The following FRMPD3 variants were observed in gnomAD, a reference collection of about 807,000 sequenced individuals.
FRMPD3 encodes the protein FERM and PDZ domain-containing protein 3.
In FRMPD3, 42 loss-of-function variants were observed where a neutral mutation model predicts 97.9. The observed-to-expected ratio is 0.43, with a 90% confidence interval of 0.34 to 0.55. The LOEUF (loss-of-function observed/expected upper bound fraction) is 0.55, where lower values mean the gene tolerates loss of function less well. FRMPD3 is among the 20% of genes least tolerant of loss of function. The pLI is 0.03. For synonymous variants in FRMPD3, 577 were observed against 581.1 expected, an observed-to-expected ratio of 0.99 and a Z score of 0.10; for missense variants, 1,303 against 1,457.7, an observed-to-expected ratio of 0.89 and a Z score of 1.73.
Position 107,522,980 on chromosome X carries a change from A to G in FRMPD3, c.-7-3602A>G, listed in dbSNP as rs751870552. ...TCACAATTTTGTTCAGGGATGCCCT[A>G]TTTGAAGGGACCAGAAGCCAAACAT... On this transcript the variant is annotated intron_variant, in intron 1 of 14. Transcript: ENST00000683843. 5.4e-5 allele frequency among the ~76,000 whole-genome samples: 6 copies of G among 111,308 alleles called. No individual in the cohort carries two copies. In the East Asian group the frequency reaches 1.7e-3, roughly 32 times the overall value.
chrX:107,464,901 G>A (rs1459667341), intron 1 of FRMPD3, among the ~76,000 whole-genome samples: 1 of 111,680 alleles, frequency 9.0e-6, no homozygotes, highest in African/African-American at 3.3e-5. Flanking sequence ...CAGAGAAGCA[G>A]TGTGACTGAG....
intron 1 of FRMPD3, among the ~76,000 whole-genome samples, chrX:107,473,279 T>TA (rs1921112747): frequency 8.9e-6 from 1 of 111,874 alleles, no homozygotes. Context: ...ATGTGAGAGA[T>TA]ATGAGCTGCT....
intron 1 of FRMPD3, among the ~76,000 whole-genome samples, chrX:107,465,633 T>A (rs1466453784): frequency 9.0e-6 from 1 of 111,617 alleles, no homozygotes; most frequent in Non-Finnish European, 1.9e-5. Flanking sequence ...CCACCTATAA[T>A]GTGTGGCACA....
At position 107,529,368 on chromosome X, in the gene FRMPD3, T is replaced by C. The variant is rs1001027573; in HGVS notation, c.149-1041T>C. Among the ~76,000 whole-genome samples the C allele has an allele frequency of 7.2e-5, 8 of 111,123 alleles. No homozygotes were observed. In the Admixed American group the frequency reaches 7.7e-4, roughly 11 times the overall value. On this transcript the variant is annotated intron_variant, in intron 2 of 14. Transcript: ENST00000683843. ...GGGAGGCTGAGGTGGGTGAATCACC[T>C]GAGGTCAAGAGTTCAAGACCACTCT...
chrX:107,589,708 G>A (rs1923816272), intron 13 of FRMPD3, among the ~76,000 whole-genome samples: 1 of 112,111 alleles, frequency 8.9e-6, no homozygotes, highest in African/African-American at 3.2e-5. Context: ...AAAAGACAAA[G>A]TCAAATTTTA....
At chrX:107,484,140 A>G (rs1198617843) in intron 1 of FRMPD3, among the ~76,000 whole-genome samples, 1 of 111,944 alleles carries the variant, frequency 8.9e-6, no homozygotes, top group Non-Finnish European at 1.9e-5. Context: ...CTCGAAGCCC[A>G]CTGCCCCCAC....
In FRMPD3 at chrX:107,603,312, C is replaced by T; in HGVS notation, c.5273C>T (p.Ser1758Phe). The change falls in exon 15 of 15, where the codon TCC becomes TTC. Residue 1758 changes from serine to phenylalanine, a missense_variant. By Grantham distance (155) the Ser-to-Phe change is radical. Around this residue, in one of 3 missense-constraint regions of FRMPD3, gnomAD observed 764 missense variants for 820.2 expected, o/e 0.93. Transcript: ENST00000683843. ...AGAATEHPPG[S>F]PTSATVMSTF... ...GCAGCCACAGAGCATCCACCAGGCT[C>T]CCCAACTTCGGCGACTGTTATGAGC... The T allele has an allele frequency of 1.8e-6, 2 of 1,096,930 alleles. No individual in the cohort carries two copies. The highest frequency in any genetic ancestry group is 2.4e-6 in the Non-Finnish European group (2 of 839,526). The allele number at this position is 1,096,930 out of a possible 1,213,427, so 90.4% of individuals were successfully genotyped here.
In FRMPD3 at chrX:107,603,091, C is replaced by T; in HGVS notation, c.5052C>T (p.Ala1684=). 8.3e-7 allele frequency: 1 copy of T among 1,210,512 alleles called. No homozygotes were observed. The highest frequency in any genetic ancestry group is 1.1e-6 in the Non-Finnish European group (1 of 895,382). ...TGGTGTTCATTGTGCGCTCCGAGGCCCAGCGCCAAGAGCTGCTGGCCAAGG... is the reference window on the plus strand; with the variant it reads ...TGGTGTTCATTGTGCGCTCCGAGGCTCAGCGCCAAGAGCTGCTGGCCAAGG... ...VRLVFIVRSE[A]QRQELLAKVE... is the part of the protein sequence containing the mutation. Residue 1684 remains alanine, a synonymous_variant, in exon 15 of 15, where the codon GCC becomes GCT. Transcript: ENST00000683843.
rs751198480 is a variant in FRMPD3, at chrX:107,597,513, A to T, written c.1634A>T (p.Asp545Val). 2.5e-6 allele frequency: 3 copies of T among 1,210,797 alleles called. No individual in the cohort carries two copies. The Admixed American group carries it at 6.5e-5, about 26-fold the overall frequency. ...AGGAAGGAGCAGGAAAGCCGGACAG[A>T]TGTCAACGAGAACCTAATCTTCTTT... ...EQRKEQESRT[D>V]VNENLIFFEE... The change falls in exon 14 of 15, where the codon GAT (aspartate) becomes GTT (valine). Residue 545 changes from aspartate (D) to valine (V), a missense_variant. Physicochemically the swap from Asp to Val is radical, Grantham distance 152. Transcript: ENST00000683843.
chrX:107,542,785 G>A (rs1461866600), intron 4 of FRMPD3, among the ~76,000 whole-genome samples: 1 of 111,965 alleles, frequency 8.9e-6, no homozygotes, highest in Non-Finnish European at 1.9e-5. Flanking sequence ...TTCCCAGCTG[G>A]CAGGGACCTT....
intron 1 of FRMPD3, among the ~76,000 whole-genome samples, chrX:107,451,256 T>C (rs143917804): frequency 0.043 from 4,857 of 112,159 alleles, 140 homozygotes; most frequent in Non-Finnish European, 0.071. Flanking sequence ...GGGCAGTCTC[T>C]GGACTCCTGC....
chrX:107,600,651 G>A lies in FRMPD3; in HGVS notation c.2612G>A (p.Arg871Gln), dbSNP rs1265705792. ...TCAGAGGGCCAGGTACAGGGAGAACGAACATACTCCTTGGCAGTGCACCCA... is the reference window on the plus strand; with the variant it reads ...TCAGAGGGCCAGGTACAGGGAGAACAAACATACTCCTTGGCAGTGCACCCA... ...PQSEGQVQGE[R>Q]TYSLAVHPAL... Residue 871 changes from arginine (R) to glutamine (Q), a missense_variant, in exon 15 of 15, where the codon CGA (arginine) becomes CAA (glutamine). By Grantham distance (43) the Arg-to-Gln change is conservative. This residue lies in a region of FRMPD3 where 764 missense variants were observed against 820.2 expected (regional missense o/e 0.93). Transcript: ENST00000683843. 3.3e-6 allele frequency: 4 copies of A among 1,205,081 alleles called. No individual in the cohort carries two copies. Among genetic ancestry groups the A allele is most frequent in the Admixed American group, 2.2e-5 (1 of 45,355 alleles).
rs1404046428 is a variant in FRMPD3, at chrX:107,560,840, C to G, written c.1013C>G (p.Ser338Cys). 8.4e-7 allele frequency: 1 copy of G among 1,193,718 alleles called. No individual in the cohort carries two copies. The change falls in exon 10 of 15, where the codon TCC (serine) becomes TGC (cysteine). Residue 338 changes from serine (S) to cysteine (C), a missense_variant. Transcript: ENST00000683843. ...CTGAAGGCTCACCAAACACATCCTTCCTGCGGCACCAAGGTATCCAGAGTA... is the reference window on the plus strand; with the variant it reads ...CTGAAGGCTCACCAAACACATCCTTGCTGCGGCACCAAGGTATCCAGAGTA... ...QQLKAHQTHP[S>C]CGTKGSAIQA... is the part of the protein sequence containing the mutation.
chrX:107,518,852 A>G (rs1390711082), intron 1 of FRMPD3, among the ~76,000 whole-genome samples: 3 of 112,762 alleles, frequency 2.7e-5, no homozygotes, highest in Non-Finnish European at 5.6e-5. Flanking sequence ...CAACAGATTA[A>G]TAAAATGTGA....
At chrX:107,537,073 G>C (rs1283298819) in intron 4 of FRMPD3, among the ~76,000 whole-genome samples, 2 of 111,352 alleles carry the variant, frequency 1.8e-5, no homozygotes, top group Non-Finnish European at 3.8e-5. Flanking sequence ...CCCCTGTTCT[G>C]CTTACTCTGC....
intron 1 of FRMPD3, among the ~76,000 whole-genome samples, chrX:107,508,346 G>A (rs1326557617): frequency 2.7e-5 from 3 of 112,136 alleles, no homozygotes; most frequent in Admixed American, 1.9e-4. Context: ...AAGGCAAACC[G>A]AGTGCGCTAT....
intron 1 of FRMPD3, among the ~76,000 whole-genome samples, chrX:107,510,392 CA>C (rs1402067189): frequency 9.0e-6 from 1 of 111,117 alleles, no homozygotes; most frequent in Non-Finnish European, 1.9e-5. Context: ...TAGTAGGATG[CA>C]ATCTTCTTCC....
chrX:107,574,391 A>G (rs993320191), intron 12 of FRMPD3, among the ~76,000 whole-genome samples: 9 of 112,643 alleles, frequency 8.0e-5, no homozygotes, highest in African/African-American at 2.9e-4. Flanking sequence ...CTGTTAGAAC[A>G]CAGTCATGCC....
intron 1 of FRMPD3, among the ~76,000 whole-genome samples, chrX:107,466,428 A>G (rs1165853717): frequency 8.9e-6 from 1 of 112,440 alleles, no homozygotes; most frequent in Non-Finnish European, 1.9e-5. Context: ...TGGCCAGGCT[A>G]GGACCCTGCA....
Sources: gnomAD v4.1 joint callset for allele counts (sites outside exome capture counted in the v4.1 genomes callset) on GRCh38, gnomAD v4.1.1 for gene constraint, gnomAD v4.1.1 regional missense constraint, MANE v1.5 for transcripts, NCBI Gene and HGNC (gene_info 2026-07-23, HGNC 2026-07-21) for gene names.